CSMD3: variants seen among roughly 807,000 people sequenced by gnomAD.
CSMD3 encodes the protein CUB and Sushi multiple domains 3.
CSMD3 carries 177 observed loss-of-function variants against 435.2 expected under a neutral mutation model. That is an observed-to-expected ratio of 0.41 (90% CI 0.36 to 0.46). The LOEUF (loss-of-function observed/expected upper bound fraction) is 0.46, where lower values mean the gene tolerates loss of function less well. Ranked by LOEUF, CSMD3 falls within the 20% of genes least tolerant of loss-of-function variation. CSMD3 has a pLI of 0.34. For synonymous variants in CSMD3, 1,656 were observed against 1,520.5 expected (o/e 1.09, Z -2.07); for missense variants, 4,265 against 4,504.6 (o/e 0.95, Z 1.52).
intron 35 of CSMD3, among the ~76,000 whole-genome samples, chr8:112,404,434 G>C (rs1831595651): frequency 1.3e-5 from 2 of 151,838 alleles, no homozygotes; most frequent in South Asian, 4.2e-4. Flanking sequence ...GGAGGCTGAG[G>C]CAGGAGAATC....
chr8:113,318,786 A>ATATGTGTGTGTGTG (rs71566042), intron 1 of CSMD3, among the ~76,000 whole-genome samples: 3 of 140,066 alleles, frequency 2.1e-5, no homozygotes, highest in South Asian at 2.4e-4. Context: ...GCTGAATAAG[A>ATATGTGTGTGTGTG]TGTGTGTGTG....
At chr8:112,337,149 C>CAT (rs1563807418) in intron 43 of CSMD3, among the ~76,000 whole-genome samples, 1 of 152,050 alleles carries the variant, frequency 6.6e-6, no homozygotes, top group Admixed American at 6.6e-5. Flanking sequence ...ACTATGTGTA[C>CAT]ATATAAGGCC....
At chr8:113,387,617 A>C (rs2094444779) in intron 1 of CSMD3, among the ~76,000 whole-genome samples, 1 of 151,684 alleles carries the variant, frequency 6.6e-6, no homozygotes, top group Non-Finnish European at 1.5e-5. Context: ...GACAGACTTT[A>C]AAAGGAGAAT....
At chr8:113,143,409 T>G (rs971011929) in intron 4 of CSMD3, among the ~76,000 whole-genome samples, 6 of 151,486 alleles carry the variant, frequency 4.0e-5, no homozygotes, top group African/African-American at 1.5e-4. Flanking sequence ...GAAGACAGTT[T>G]GGCAATTGCT....
chr8:112,766,776 CAG>C (rs1274903538), intron 13 of CSMD3, among the ~76,000 whole-genome samples: 1 of 151,810 alleles, frequency 6.6e-6, no homozygotes, highest in East Asian at 1.9e-4. Context: ...AGCAGAGAAA[CAG>C]AACTTATGTT....
At chr8:112,865,719 C>CACAT (rs1218117233) in intron 10 of CSMD3, among the ~76,000 whole-genome samples, 1 of 151,532 alleles carries the variant, frequency 6.6e-6, no homozygotes, top group African/African-American at 2.4e-5. Context: ...CACACACACA[C>CACAT]ACACACACAG....
intron 9 of CSMD3, 132 bp downstream of exon 9, chr8:112,947,658 A>G: frequency 1.9e-6 from 1 of 537,772 alleles, no homozygotes; most frequent in South Asian, 2.8e-5. Context: ...GATATTATTA[A>G]TAACAATACA....
chr8:113,115,740 T>C (rs1242728002), intron 4 of CSMD3, among the ~76,000 whole-genome samples: 1 of 152,220 alleles, frequency 6.6e-6, no homozygotes, highest in Non-Finnish European at 1.5e-5. Context: ...ATAATGTCTT[T>C]TGCTACAGAT....
chr8:112,739,927 C>T lies in CSMD3; in HGVS notation c.1973-49877G>A, dbSNP rs75445154. 2.0e-4 allele frequency among the ~76,000 whole-genome samples: 31 copies of T among 151,846 alleles called. No individual in the cohort carries two copies. In the East Asian group the frequency reaches 6.0e-3, roughly 29 times the overall value. On this transcript the variant is annotated intron_variant, in intron 13 of 70. Transcript: ENST00000297405. ...TATGCATATTAACACTAAACTCTCA[C>T]ATAATTACATATTATAAGGAAATGT...
chr8:112,970,279 G>T (rs903584727), intron 7 of CSMD3, among the ~76,000 whole-genome samples: 7 of 149,928 alleles, frequency 4.7e-5, no homozygotes, highest in Non-Finnish European at 1.5e-5. Context: ...TATTGAAAAA[G>T]ATATTTTAAG....
chr8:112,736,049 T>C (rs183319871), intron 13 of CSMD3, among the ~76,000 whole-genome samples: 41 of 152,152 alleles, frequency 2.7e-4, no homozygotes, highest in African/African-American at 9.4e-4. Flanking sequence ...TAAATTATAC[T>C]TTAGGAGCCT....
chr8:112,837,912 T>G (rs1451411961), intron 11 of CSMD3, among the ~76,000 whole-genome samples: 1 of 151,816 alleles, frequency 6.6e-6, no homozygotes, highest in Non-Finnish European at 1.5e-5. Flanking sequence ...TCTCAAGGTA[T>G]GCAAATACCA....
At chr8:112,651,966 C>G (rs2075137890) in intron 18 of CSMD3, among the ~76,000 whole-genome samples, 1 of 152,140 alleles carries the variant, frequency 6.6e-6, no homozygotes, top group Admixed American at 6.6e-5. Context: ...ATCCAAGGCC[C>G]TCATCACCTC....
intron 27 of CSMD3, among the ~76,000 whole-genome samples, chr8:112,546,691 A>G (rs996023989): frequency 6.6e-6 from 1 of 152,208 alleles, no homozygotes; most frequent in Non-Finnish European, 1.5e-5. Context: ...AAATGTAAGC[A>G]GAGGATATAG....
At chr8:112,722,402 T>G (rs1457456436) in intron 13 of CSMD3, among the ~76,000 whole-genome samples, 1 of 152,174 alleles carries the variant, frequency 6.6e-6, no homozygotes, top group Admixed American at 6.6e-5. Flanking sequence ...AAACATGATA[T>G]TGATATTGTG....
chr8:112,984,998 A>AGATAGAT (rs1427836091), intron 6 of CSMD3, among the ~76,000 whole-genome samples: 6 of 122,386 alleles, frequency 4.9e-5, no homozygotes, highest in Non-Finnish European at 7.1e-5. Flanking sequence ...AGATTATGAT[A>AGATAGAT]GATAGATAGA....
intron 1 of CSMD3, among the ~76,000 whole-genome samples, chr8:113,345,740 C>A (rs1303357371): frequency 6.6e-6 from 1 of 151,842 alleles, no homozygotes; most frequent in Non-Finnish European, 1.5e-5. Flanking sequence ...TCTCAACATC[C>A]CAGTGAGGTA....
chr8:112,303,662 C>A (rs1178558769), intron 52 of CSMD3, among the ~76,000 whole-genome samples: 1 of 152,030 alleles, frequency 6.6e-6, no homozygotes, highest in South Asian at 2.1e-4. Context: ...TACTTTAATT[C>A]ATTAATGTGA....
chr8:112,329,957 C>T (rs1823877913), intron 45 of CSMD3, among the ~76,000 whole-genome samples: 1 of 152,006 alleles, frequency 6.6e-6, no homozygotes, highest in East Asian at 1.9e-4. Context: ...CACACACATA[C>T]ATTATTACAC....
Sources: gnomAD v4.1 joint callset for allele counts (sites outside exome capture counted in the v4.1 genomes callset) on GRCh38, gnomAD v4.1.1 for gene constraint, MANE v1.5 for transcripts, NCBI Gene and HGNC (gene_info 2026-07-23, HGNC 2026-07-21) for gene names.